The following CNTNAP3B variants were observed in gnomAD, a reference collection of about 807,000 sequenced individuals.
The protein encoded by CNTNAP3B is contactin-associated protein-like 3B.
Under a neutral mutation model 108.9 loss-of-function variants are expected in CNTNAP3B, and 25 were observed. That is an observed-to-expected ratio of 0.23 (90% CI 0.17 to 0.32). CNTNAP3B has a LOEUF of 0.32. Among genes scored for constraint, CNTNAP3B ranks in the 10% least tolerant of loss-of-function variants. CNTNAP3B has a pLI of 1.00. For synonymous variants in CNTNAP3B, 103 were observed against 473.4 expected (o/e 0.22, Z 10.16); for missense variants, 252 against 1,210.4 (o/e 0.21, Z 11.75).
chr9:41,926,136 C>G (rs1329928229), intron 15 of CNTNAP3B, among the ~76,000 whole-genome samples: 3 of 152,284 alleles, frequency 2.0e-5, no homozygotes, highest in Admixed American at 6.5e-5. Flanking sequence ...CCGTTTTTAA[C>G]CCAGCACCAC....
chr9:41,977,633 T>A (rs1262194654), intron 9 of CNTNAP3B, among the ~76,000 whole-genome samples: 1 of 133,898 alleles, frequency 7.5e-6, no homozygotes, highest in Non-Finnish European at 1.6e-5. Context: ...TTTTTTTTTT[T>A]TTGAGACGGC....
intron 14 of CNTNAP3B, among the ~76,000 whole-genome samples, chr9:41,931,166 A>T (rs1823967235): frequency 1.3e-5 from 2 of 152,300 alleles, no homozygotes; most frequent in South Asian, 2.1e-4. Context: ...TATTTTCAGA[A>T]TAAGGCTTTC....
intron 3 of CNTNAP3B, among the ~76,000 whole-genome samples, chr9:42,075,650 T>C (rs1328757734): frequency 2.4e-5 from 3 of 126,318 alleles, no homozygotes; most frequent in Non-Finnish European, 3.3e-5. Context: ...ACCTCTGTCA[T>C]TGACGTATTT....
chr9:41,942,001 A>C (rs1380975079), intron 13 of CNTNAP3B, among the ~76,000 whole-genome samples: 1 of 152,302 alleles, frequency 6.6e-6, no homozygotes, highest in Non-Finnish European at 1.5e-5. Context: ...ACAACATTCT[A>C]ATCCCCCAAA....
chr9:42,127,711 C>T (rs1352157712), intron 1 of CNTNAP3B, among the ~76,000 whole-genome samples: 1 of 139,580 alleles, frequency 7.2e-6, no homozygotes, highest in East Asian at 2.2e-4. Context: ...CAGCATCTGA[C>T]CAAAGCAATC....
chr9:41,952,129 G>A (rs1824707627), intron 13 of CNTNAP3B, among the ~76,000 whole-genome samples: 1 of 152,258 alleles, frequency 6.6e-6, no homozygotes, highest in Non-Finnish European at 1.5e-5. Flanking sequence ...GACGGACTAG[G>A]GAAGGCAATG....
intron 1 of CNTNAP3B, among the ~76,000 whole-genome samples, chr9:42,126,979 T>C (rs2118762583): frequency 7.2e-6 from 1 of 139,124 alleles, no homozygotes; most frequent in East Asian, 2.2e-4. Flanking sequence ...GAGCAACTCA[T>C]GGTGTCTTCA....
At chr9:42,109,739 CA>C (rs1007809669) in intron 1 of CNTNAP3B, among the ~76,000 whole-genome samples, 2 of 139,096 alleles carry the variant, frequency 1.4e-5, no homozygotes, top group African/African-American at 5.8e-5. Context: ...GTCTATGCCC[CA>C]ATCCCGGGAC....
At chr9:41,960,293 C>T (rs1374689504) in intron 12 of CNTNAP3B, 1 of 169,768 alleles carries the variant, frequency 5.9e-6, no homozygotes, top group Admixed American at 5.9e-5. Context: ...CCACCATGCG[C>T]AGCCCAAGCA....
At position 42,033,170 on chromosome 9, in the gene CNTNAP3B, C is replaced by T. The variant is rs550165283; in HGVS notation, c.391-19645G>A. Among the ~76,000 whole-genome samples the T allele has an allele frequency of 5.8e-5, 8 of 138,066 alleles. 2 individuals are homozygous for T. The East Asian group carries it at 1.8e-3, about 31-fold the overall frequency. 90.6% of individuals were successfully genotyped at this position (138,066 alleles called of 152,430 possible). A position where few individuals can be genotyped will look rare whatever the true frequency, so the allele number is the denominator to read the frequency against. ...TCAGTGCAAACTTTCTAAAGTTAGG[C>T]TTTACAAAAGAATCACTTTCCCATT... On this transcript the variant is annotated intron_variant, in intron 3 of 23. Transcript: ENST00000377561.
intron 12 of CNTNAP3B, among the ~76,000 whole-genome samples, chr9:41,958,644 G>T (rs1238502585): frequency 6.6e-6 from 1 of 151,854 alleles, no homozygotes; most frequent in Admixed American, 6.6e-5. Context: ...ACCCTTACAT[G>T]GGACAGGATG....
chr9:41,958,529 G>T (rs1218520014), intron 12 of CNTNAP3B, among the ~76,000 whole-genome samples: 1 of 151,922 alleles, frequency 6.6e-6, no homozygotes, highest in Non-Finnish European at 1.5e-5. Flanking sequence ...TGTGTGGGAA[G>T]GGGAAAGGTT....
At chr9:42,013,628 T>C in intron 3 of CNTNAP3B, 103 bp from the exon 4 acceptor site, 1 of 110,408 alleles carries the variant, frequency 9.1e-6, no homozygotes, top group East Asian at 2.6e-4. Context: ...TTTGCTAATA[T>C]GCAAAAAGCT....
rs1431295301 is a variant in CNTNAP3B, at chr9:41,974,429, G to T, written c.1478-4184C>A. 2.1e-5 allele frequency: 10 copies of T among 485,860 alleles called. 1 individual carries two copies. Among genetic ancestry groups the T allele is most frequent in the Non-Finnish European group, 2.6e-5 (7 of 264,508 alleles). The allele number at this position is 485,860 out of a possible 1,614,324, so 30.1% of individuals were successfully genotyped here. ...AAAAGCAGAAGGCTGGTTCCAAAAC[G>T]TCAAACTTCTGCAGTCTCAGCTTCA... On this transcript the variant is annotated intron_variant, in intron 9 of 23. Coordinates refer to ENST00000377561, the MANE Select transcript of CNTNAP3B (RefSeq NM_001201380.3).
intron 14 of CNTNAP3B, among the ~76,000 whole-genome samples, chr9:41,931,552 A>G (rs1489177426): frequency 6.6e-6 from 1 of 152,060 alleles, no homozygotes; most frequent in African/African-American, 2.4e-5. Context: ...AAATACACTT[A>G]ATGGTAAAGA....
At chr9:41,923,451 T>G (rs1268608476) in intron 16 of CNTNAP3B, among the ~76,000 whole-genome samples, 1 of 152,056 alleles carries the variant, frequency 6.6e-6, no homozygotes, top group Non-Finnish European at 1.5e-5. Flanking sequence ...CATGCTTCAT[T>G]GTTTTATTTT....
intron 1 of CNTNAP3B, among the ~76,000 whole-genome samples, chr9:42,126,069 TGAC>T (rs1327610365): frequency 1.5e-5 from 2 of 131,406 alleles, no homozygotes; most frequent in Admixed American, 7.7e-5. Flanking sequence ...ATCTCTTTCC[TGAC>T]ACATTTCACA....
chr9:42,097,397 T>G lies in CNTNAP3B; in HGVS notation c.196+7232A>C, dbSNP rs954257967. On this transcript the variant is annotated intron_variant, in intron 2 of 23. Coordinates refer to ENST00000377561, the MANE Select transcript of CNTNAP3B (RefSeq NM_001201380.3). Reference sequence around the variant, plus strand: ...TTTACCCCAGGTTAATAAAGATGCTTTTTATATTTGTATTTGAGTTGTGGT... The same window carrying G: ...TTTACCCCAGGTTAATAAAGATGCTGTTTATATTTGTATTTGAGTTGTGGT... Among the ~76,000 whole-genome samples the G allele has an allele frequency of 2.1e-5, 3 of 139,794 alleles. 1 individual carries two copies. Among genetic ancestry groups the G allele is most frequent in the South Asian group, 2.3e-4 (1 of 4,384 alleles). 91.7% of individuals were successfully genotyped at this position (139,794 alleles called of 152,430 possible). A position where few individuals can be genotyped will look rare whatever the true frequency, so the allele number is the denominator to read the frequency against.
At position 42,068,062 on chromosome 9, in the gene CNTNAP3B, G is replaced by A. The variant is rs555307223; in HGVS notation, c.390+8807C>T. Among the ~76,000 whole-genome samples the A allele has an allele frequency of 2.2e-5, 3 of 137,256 alleles. 1 individual carries two copies. In the East Asian group the frequency reaches 6.7e-4, roughly 30 times the overall value. 90.0% of individuals were successfully genotyped at this position (137,256 alleles called of 152,430 possible). A position where few individuals can be genotyped will look rare whatever the true frequency, so the allele number is the denominator to read the frequency against. ...GGATAGCAGTAAAACAGAGGATACTGCTTGAAACAAAACTGCTTAGACCAG... is the reference window on the plus strand; with the variant it reads ...GGATAGCAGTAAAACAGAGGATACTACTTGAAACAAAACTGCTTAGACCAG... On this transcript the variant is annotated intron_variant, in intron 3 of 23. Transcript: ENST00000377561.
Sources: gnomAD v4.1 joint callset for allele counts (sites outside exome capture counted in the v4.1 genomes callset) on GRCh38, gnomAD v4.1.1 for gene constraint, MANE v1.5 for transcripts, NCBI Gene and HGNC (gene_info 2026-07-23, HGNC 2026-07-21) for gene names.